Variants in TMEM132D observed in about 807,000 individuals in gnomAD.
The protein encoded by TMEM132D is transmembrane protein 132D, also known as mature OL transmembrane protein.
TMEM132D carries 21 observed loss-of-function variants against 62.3 expected under a neutral mutation model. That is an observed-to-expected ratio of 0.34 (90% confidence interval 0.24 to 0.49). TMEM132D has a LOEUF of 0.49. Among genes scored for constraint, TMEM132D ranks in the 20% least tolerant of loss-of-function variants. The probability of loss-of-function intolerance (pLI) is 0.99; values close to 1 mark genes in which losing one functional copy is unlikely to be tolerated. For synonymous variants in TMEM132D, 621 were observed against 575.6 expected (o/e 1.08, Z -1.13); for missense variants, 1,346 against 1,402.8 (o/e 0.96, Z 0.65).
chr12:129,319,234 G>C (rs747944176), intron 4 of TMEM132D, among the ~76,000 whole-genome samples: 14 of 152,186 alleles, frequency 9.2e-5, no homozygotes, highest in Non-Finnish European at 2.1e-4. Context: ...GTGGTGCCAG[G>C]CAGGAATGGG....
At chr12:129,763,432 CT>C (rs3046897) in intron 1 of TMEM132D, among the ~76,000 whole-genome samples, 34 of 142,576 alleles carry the variant, frequency 2.4e-4, no homozygotes, top group African/African-American at 7.5e-4. Flanking sequence ...AGATTTCTGG[CT>C]TTTTTTTTTT....
intron 1 of TMEM132D, among the ~76,000 whole-genome samples, chr12:129,704,967 A>T (rs991636160): frequency 6.6e-6 from 1 of 152,248 alleles, no homozygotes; most frequent in African/African-American, 2.4e-5. Context: ...AGATGGAAGA[A>T]GATCCTGAAG....
intron 3 of TMEM132D, among the ~76,000 whole-genome samples, chr12:129,447,856 G>T (rs1318243818): frequency 6.6e-6 from 1 of 152,146 alleles, no homozygotes; most frequent in South Asian, 2.1e-4. Context: ...GAGTGATGCC[G>T]GCTTAATCAC....
chr12:129,681,339 G>T (rs1462110415), intron 2 of TMEM132D: 1 of 152,258 alleles, frequency 6.6e-6, no homozygotes, highest in Non-Finnish European at 1.5e-5. Flanking sequence ...GCAGGGCTCA[G>T]TTGGGAGATT....
intron 3 of TMEM132D, among the ~76,000 whole-genome samples, chr12:129,365,647 C>T (rs143161186): frequency 1.3e-5 from 2 of 152,188 alleles, no homozygotes; most frequent in African/African-American, 2.4e-5. Flanking sequence ...CCTGTCACCC[C>T]GCAGGGAGCC....
intron 5 of TMEM132D, among the ~76,000 whole-genome samples, chr12:129,144,942 C>G (rs75331234): frequency 0.033 from 5,016 of 152,156 alleles, 275 homozygotes; most frequent in African/African-American, 0.12. Context: ...ATCATCTAAT[C>G]TATCTAAAGT....
chr12:129,227,827 CTA>C (rs1393052613), intron 4 of TMEM132D, among the ~76,000 whole-genome samples: 1 of 152,080 alleles, frequency 6.6e-6, no homozygotes, highest in Non-Finnish European at 1.5e-5. Context: ...CAATTCCCAC[CTA>C]TGAGTGAGAA....
At chr12:129,601,098 T>C (rs1481446509) in intron 2 of TMEM132D, among the ~76,000 whole-genome samples, 2 of 152,324 alleles carry the variant, frequency 1.3e-5, no homozygotes, top group Middle Eastern at 3.4e-3. Flanking sequence ...ATCAATGATT[T>C]TAACTAGATC....
intron 1 of TMEM132D, among the ~76,000 whole-genome samples, chr12:129,791,658 C>A (rs141045851): frequency 6.6e-6 from 1 of 151,998 alleles, no homozygotes; most frequent in African/African-American, 2.4e-5. Flanking sequence ...CTGAATTAAC[C>A]CCCCCAGTCA....
intron 3 of TMEM132D, among the ~76,000 whole-genome samples, chr12:129,342,162 C>T (rs953196860): frequency 1.3e-5 from 2 of 152,180 alleles, no homozygotes; most frequent in African/African-American, 2.4e-5. Flanking sequence ...ATCACGCTAC[C>T]TGACTTCAAA....
At chr12:129,804,287 C>G (rs1412065144) in intron 1 of TMEM132D, among the ~76,000 whole-genome samples, 1 of 98,596 alleles carries the variant, frequency 1.0e-5, no homozygotes, top group Non-Finnish European at 2.1e-5. Context: ...TGCAAAAATC[C>G]TCCATAAAAT....
rs532201857 is a variant in TMEM132D, at chr12:129,869,756, T to A, written c.79+33505A>T. On this transcript the variant is annotated intron_variant, in intron 1 of 8. Coordinates refer to ENST00000422113, the MANE Select transcript of TMEM132D (RefSeq NM_133448.3). ...TGAACTCTGCAGTATCAAGTGGAGA[T>A]TTACGTAAGAGGAGGTTTAGATGGT... Among the ~76,000 whole-genome samples, 22 of 152,238 alleles carry A rather than the reference T, an allele frequency of 1.4e-4. No individual in the cohort carries two copies. In the South Asian group the frequency reaches 4.6e-3, roughly 32 times the overall value.
At chr12:129,581,765 G>A (rs1214318151) in intron 2 of TMEM132D, among the ~76,000 whole-genome samples, 7 of 152,124 alleles carry the variant, frequency 4.6e-5, no homozygotes, top group Admixed American at 2.6e-4. Context: ...AATCTCCTTT[G>A]GTAATGCCCT....
chr12:129,903,971 GC>G lies in TMEM132D; in HGVS notation c.-633del, dbSNP rs1875467033. Reference sequence around the variant, plus strand: ...TGCTCCCCGGCCGCCGCCTCGGCCCGCCCGGCCCCGGGCCCGGCTGGGGCTC... The same window carrying G: ...TGCTCCCCGGCCGCCGCCTCGGCCCGCCGGCCCCGGGCCCGGCTGGGGCTC... On this transcript the variant is annotated 5_prime_UTR_variant, in exon 1 of 9. Transcript: ENST00000422113. This position sits in a 1 kb window ranked among gnomAD's most constrained non-coding sequence, Gnocchi z 6.2. Among the ~76,000 whole-genome samples the G allele has an allele frequency of 6.7e-6, 1 of 148,634 alleles. No homozygotes were observed. The highest frequency in any genetic ancestry group is 1.5e-5 in the Non-Finnish European group (1 of 66,606).
chr12:129,459,703 G>T (rs1268886573), intron 3 of TMEM132D, among the ~76,000 whole-genome samples: 3 of 152,106 alleles, frequency 2.0e-5, no homozygotes, highest in Admixed American at 2.0e-4. Context: ...TGGGTTATTC[G>T]TAAAACATTT....
At chr12:129,366,102 T>C (rs1295394827) in intron 3 of TMEM132D, among the ~76,000 whole-genome samples, 1 of 152,052 alleles carries the variant, frequency 6.6e-6, no homozygotes, top group African/African-American at 2.4e-5. Flanking sequence ...ATAAAATAAT[T>C]AAAATTCTTA....
chr12:129,617,206 C>T (rs958333612), intron 2 of TMEM132D, among the ~76,000 whole-genome samples: 4 of 152,226 alleles, frequency 2.6e-5, no homozygotes, highest in African/African-American at 7.2e-5. Context: ...ATGGTACCAA[C>T]GATTCAGAAC....
Position 129,827,417 on chromosome 12 carries a change from G to A in TMEM132D, c.79+75844C>T, listed in dbSNP as rs1872691621. Among the ~76,000 whole-genome samples the A allele has an allele frequency of 6.6e-6, 1 of 152,120 alleles. No individual in the cohort carries two copies. The highest frequency in any genetic ancestry group is 2.4e-5 in the African/African-American group (1 of 41,432). ...ACTGTAAGCAGCTGAACCAAAACAG[G>A]CTTTCTTCTCCCTTCCATGGTCCTC... On this transcript the variant is annotated intron_variant, in intron 1 of 8. Transcript: ENST00000422113. This position sits in a 1 kb window ranked among gnomAD's most constrained non-coding sequence, Gnocchi z 9.7.
chr12:129,852,589 C>A (rs1873581605), intron 1 of TMEM132D: 1 of 152,102 alleles, frequency 6.6e-6, no homozygotes, highest in African/African-American at 2.4e-5. Flanking sequence ...ACAACCAATT[C>A]TTTGTAAAGA....
Sources: allele counts gnomAD v4.1 joint callset (sites outside exome capture counted in the v4.1 genomes callset), GRCh38; gene constraint gnomAD v4.1.1; non-coding constraint Gnocchi (gnomAD v3.1); transcripts MANE v1.5; gene names NCBI Gene and HGNC (gene_info 2026-07-23, HGNC 2026-07-21).